MTUS2: variants seen among roughly 807,000 people sequenced by gnomAD.
The protein encoded by MTUS2 is microtubule-associated tumor suppressor candidate 2.
Under a neutral mutation model 114.1 loss-of-function variants are expected in MTUS2, and 40 were observed. The observed-to-expected ratio is 0.35, with a 90% CI of 0.27 to 0.46. MTUS2 has a LOEUF of 0.46. Ranked by LOEUF, MTUS2 falls within the 20% of genes least tolerant of loss-of-function variation. The pLI is 1.00. For synonymous variants in MTUS2, 688 were observed against 672.0 expected (o/e 1.02, Z -0.37); for missense variants, 1,679 against 1,705.4 (o/e 0.98, Z 0.27).
chr13:29,424,945 A>AT (rs977332101), intron 8 of MTUS2, among the ~76,000 whole-genome samples: 10 of 149,980 alleles, frequency 6.7e-5, no homozygotes, highest in African/African-American at 9.8e-5. Context: ...AACCAGGAAA[A>AT]TTTTTTTTTT....
intron 4 of MTUS2, among the ~76,000 whole-genome samples, chr13:29,042,436 T>G (rs1296540409): frequency 5.3e-5 from 8 of 152,056 alleles, no homozygotes; most frequent in Non-Finnish European, 1.2e-4. Flanking sequence ...TTCTTTTTTG[T>G]GATGTTCTTT....
chr13:29,322,800 G>A (rs1900309085), intron 6 of MTUS2, among the ~76,000 whole-genome samples: 1 of 152,132 alleles, frequency 6.6e-6, no homozygotes, highest in Non-Finnish European at 1.5e-5. Context: ...GCATGTTTGG[G>A]GACCAACAAG....
chr13:29,111,645 A>C (rs2138864408), intron 5 of MTUS2, among the ~76,000 whole-genome samples: 1 of 152,300 alleles, frequency 6.6e-6, no homozygotes, highest in Admixed American at 6.5e-5. Context: ...TCTCATGGGA[A>C]CTTTGCCAAC....
At chr13:28,950,337 TTCGGGTATTAA>T (rs1352403037) in intron 2 of MTUS2, among the ~76,000 whole-genome samples, 1 of 152,216 alleles carries the variant, frequency 6.6e-6, no homozygotes, top group African/African-American at 2.4e-5. Context: ...CTGAAGGGCA[TTCGGGTATTAA>T]TCGTTTGTCA....
intron 2 of MTUS2, among the ~76,000 whole-genome samples, chr13:28,948,311 A>T (rs1882636734): frequency 6.6e-6 from 1 of 152,160 alleles, no homozygotes; most frequent in Non-Finnish European, 1.5e-5. Context: ...TCACCTACAT[A>T]ATTTTAGATA....
Position 29,026,294 on chromosome 13 carries a change from T to C in MTUS2, c.1596T>C (p.Ile532=). ...CAAGAGCAGATTCAGTTCTCAATAT[T>C]CCAGCACCCCTCCACCCAGAGACAA... The part of the protein sequence containing the change: ...TSARADSVLN[I]PAPLHPETTV... The change falls in exon 3 of 16, where the codon ATT becomes ATC. Residue 532 remains isoleucine, a synonymous_variant. Transcript: ENST00000612955. 1 of 1,613,898 alleles carries C rather than the reference T, an allele frequency of 6.2e-7. No individual in the cohort carries two copies. Among genetic ancestry groups the C allele is most frequent in the South Asian group, 1.1e-5 (1 of 91,082 alleles).
At chr13:29,246,761 A>C (rs1462190123) in intron 5 of MTUS2, among the ~76,000 whole-genome samples, 2 of 152,236 alleles carry the variant, frequency 1.3e-5, no homozygotes, top group Non-Finnish European at 2.9e-5. Context: ...AACGGACAAC[A>C]CAAACAAATG....
At chr13:29,379,280 C>A (rs1322266087) in intron 8 of MTUS2, among the ~76,000 whole-genome samples, 1 of 152,138 alleles carries the variant, frequency 6.6e-6, no homozygotes, top group Non-Finnish European at 1.5e-5. Context: ...GTGGCAGAGC[C>A]AAGGCTGCTG....
chr13:28,971,193 AT>A (rs1883840121), intron 2 of MTUS2, among the ~76,000 whole-genome samples: 1 of 152,202 alleles, frequency 6.6e-6, no homozygotes, highest in Non-Finnish European at 1.5e-5. Context: ...CATTTTAAAA[AT>A]ATCTGGATTT....
At chr13:28,834,189 A>G (rs531193262) in intron 1 of MTUS2, among the ~76,000 whole-genome samples, 1 of 152,232 alleles carries the variant, frequency 6.6e-6, no homozygotes, top group East Asian at 1.9e-4. Context: ...TCAAATTGAT[A>G]TGGAAATGCA....
chr13:29,066,701 G>T lies in MTUS2; in HGVS notation c.2446+32576G>T, dbSNP rs779026587. ...GTGATTTTCTGAGGACCTATTATGG[G>T]CCAGATGCTGGTCTATGTATGTAGA... On this transcript the variant is annotated intron_variant, in intron 4 of 15. Coordinates refer to ENST00000612955, the MANE Select transcript of MTUS2 (RefSeq NM_001033602.4). Among the ~76,000 whole-genome samples, 24 of 152,218 alleles carry T rather than the reference G, an allele frequency of 1.6e-4. 1 individual carries two copies. Among genetic ancestry groups the T allele is most frequent in the Non-Finnish European group, 2.6e-4 (18 of 68,040 alleles).
intron 7 of MTUS2, among the ~76,000 whole-genome samples, chr13:29,355,086 T>G (rs1869628122): frequency 6.6e-6 from 1 of 152,252 alleles, no homozygotes; most frequent in African/African-American, 2.4e-5. Flanking sequence ...AGTTAAGCTT[T>G]CCAGCTTTAA....
intron 5 of MTUS2, among the ~76,000 whole-genome samples, chr13:29,165,742 A>G (rs1448792634): frequency 6.6e-6 from 1 of 152,182 alleles, no homozygotes; most frequent in Non-Finnish European, 1.5e-5. Context: ...TAACATGTCC[A>G]CTGTGTTCTG....
At position 29,480,315 on chromosome 13, in the gene MTUS2, A is replaced by G. The variant is rs1158094147; in HGVS notation, c.3350A>G (p.Glu1117Gly). The G allele has an allele frequency of 3.2e-6, 5 of 1,555,604 alleles. No homozygotes were observed. Among genetic ancestry groups the G allele is most frequent in the East Asian group, 2.4e-5 (1 of 41,596 alleles). ...QFEAEMARLQ[E>G]EHGDQLLSIR... Reference sequence around the variant, plus strand: ...GAGGCGGAAATGGCGCGCCTGCAGGAGGAGCACGGTGACCAGCTGCTGAGC... The same window carrying G: ...GAGGCGGAAATGGCGCGCCTGCAGGGGGAGCACGGTGACCAGCTGCTGAGC... The change falls in exon 10 of 16, where the codon GAG becomes GGG. Residue 1117 changes from glutamate (E) to glycine (G), a missense_variant. Physicochemically the swap from Glu to Gly is moderately conservative, Grantham distance 98. Transcript: ENST00000612955. This position sits in a 1 kb window ranked among gnomAD's most constrained non-coding sequence, Gnocchi z 4.4.
chr13:29,359,488 C>T lies in MTUS2; in HGVS notation c.3117+15C>T, dbSNP rs371727077. 102 of 1,600,372 alleles carry T rather than the reference C, an allele frequency of 6.4e-5. No homozygotes were observed. Among genetic ancestry groups the T allele is most frequent in the Non-Finnish European group, 4.0e-5 (47 of 1,174,638 alleles). On this transcript the variant is annotated intron_variant, in intron 8 of 15. Transcript: ENST00000612955. The stretch of plus-strand genomic sequence containing the variant: ...TCTTTAGAAAGGTGAGGCCCCATTT[C>T]GTGAAGGTCCAAGGGCATTTTGGTT...
intron 5 of MTUS2, among the ~76,000 whole-genome samples, chr13:29,186,233 T>G (rs903691293): frequency 6.6e-6 from 1 of 152,170 alleles, no homozygotes; most frequent in Non-Finnish European, 1.5e-5. Context: ...TTTTTTAAAT[T>G]GTTAAAGATA....
chr13:29,207,586 A>T (rs1895242191), intron 5 of MTUS2, among the ~76,000 whole-genome samples: 1 of 152,050 alleles, frequency 6.6e-6, no homozygotes, highest in Non-Finnish European at 1.5e-5. Flanking sequence ...TTATTAACTT[A>T]AAGTGTATCC....
intron 2 of MTUS2, among the ~76,000 whole-genome samples, chr13:28,909,246 T>TG (rs1254555432): frequency 6.6e-6 from 1 of 151,560 alleles, no homozygotes; most frequent in African/African-American, 2.4e-5. Context: ...GGTAGCTTAA[T>TG]GGGGGTGGCA....
In MTUS2 at chr13:29,271,147, C is replaced by G. The variant is rs76443167; in HGVS notation, c.2645-10557C>G. Among the ~76,000 whole-genome samples, 57 of 152,338 alleles carry G rather than the reference C, an allele frequency of 3.7e-4. No individual in the cohort carries two copies. The East Asian group carries it at 0.011, about 28-fold the overall frequency. ...TGGAAATAAATCTTTGAAATGCATT[C>G]TGGCTTCCTGATCTCCTAGTAAAGG... On this transcript the variant is annotated intron_variant, in intron 5 of 15. Coordinates refer to ENST00000612955, the MANE Select transcript of MTUS2 (RefSeq NM_001033602.4).
Sources: allele counts gnomAD v4.1 joint callset (sites outside exome capture counted in the v4.1 genomes callset), GRCh38; gene constraint gnomAD v4.1.1; non-coding constraint Gnocchi (gnomAD v3.1); transcripts MANE v1.5; gene names NCBI Gene and HGNC (gene_info 2026-07-23, HGNC 2026-07-21).